DAB1: variants seen among roughly 807,000 people sequenced by gnomAD.
DAB1 encodes the protein DAB adaptor protein 1.
A neutral mutation model predicts 64.6 loss-of-function variants in DAB1; 15 were observed. That is an observed-to-expected ratio of 0.23 (90% CI 0.16 to 0.36). The LOEUF is 0.36. DAB1 is among the 10% of genes least tolerant of loss of function. DAB1 has a pLI of 1.00. For missense variants in DAB1, 596 were observed against 706.7 expected (o/e 0.84, Z 1.78); for synonymous variants, 235 against 251.9 (o/e 0.93, Z 0.64).
chr1:57,014,935 G>A lies in DAB1; in HGVS notation c.1392C>T (p.Ile464=), dbSNP rs747691718. The A allele has an allele frequency of 9.9e-6, 16 of 1,608,306 alleles. No individual in the cohort carries two copies. The highest frequency in any genetic ancestry group is 1.3e-5 in the Non-Finnish European group (15 of 1,177,016). ...QDTDDCDDFD[I]SQLNLTPVTS... ...TCACAGGGGTCAAATTCAACTGGGA[G>A]ATGTCAAAGTCATCACAGTCGTCTG... Residue 464 remains isoleucine, a synonymous_variant, in exon 12 of 15, where the codon ATC becomes ATT. Transcript: ENST00000371236.
At chr1:57,692,906 G>A (rs1211333413) in intron 6 of DAB1, among the ~76,000 whole-genome samples, 1 of 151,998 alleles carries the variant, frequency 6.6e-6, no homozygotes, top group East Asian at 1.9e-4. Context: ...ATCAGACAAT[G>A]CCTTTCAAAC....
At chr1:57,807,457 G>C (rs990420303) in intron 6 of DAB1, among the ~76,000 whole-genome samples, 1 of 152,182 alleles carries the variant, frequency 6.6e-6, no homozygotes, top group Non-Finnish European at 1.5e-5. Flanking sequence ...AATTAAAGTA[G>C]TGTGAGCAAT....
At chr1:58,105,923 C>T (rs1223334483) in intron 5 of DAB1, among the ~76,000 whole-genome samples, 1 of 152,178 alleles carries the variant, frequency 6.6e-6, no homozygotes, top group African/African-American at 2.4e-5. Context: ...AACAAAACTT[C>T]ATTTAGCATT....
At chr1:58,144,437 A>G (rs1442277447) in intron 5 of DAB1, among the ~76,000 whole-genome samples, 1 of 152,236 alleles carries the variant, frequency 6.6e-6, no homozygotes, top group Non-Finnish European at 1.5e-5. Context: ...TTTTACATCT[A>G]TCAAGTCCAT....
At chr1:57,543,081 A>T (rs942926141) in intron 7 of DAB1, among the ~76,000 whole-genome samples, 2 of 152,178 alleles carry the variant, frequency 1.3e-5, no homozygotes, top group African/African-American at 4.8e-5. Context: ...GCCCCAGCTA[A>T]CATGCAAACC....
At chr1:57,226,629 A>G (rs1667271131) in intron 2 of DAB1, among the ~76,000 whole-genome samples, 1 of 149,532 alleles carries the variant, frequency 6.7e-6, no homozygotes, top group South Asian at 2.1e-4. Context: ...GAGCCCTTCA[A>G]AAAGCAAGTC....
At chr1:58,243,464 G>T (rs530043534) in intron 4 of DAB1, among the ~76,000 whole-genome samples, 11 of 152,234 alleles carry the variant, frequency 7.2e-5, no homozygotes, top group African/African-American at 2.6e-4. Context: ...TAAATGAAAA[G>T]GTTGTCTGAT....
chr1:58,423,804 T>C (rs1385888057), intron 3 of DAB1, among the ~76,000 whole-genome samples: 2 of 152,242 alleles, frequency 1.3e-5, no homozygotes, highest in Non-Finnish European at 2.9e-5. Context: ...CTTTCAACTG[T>C]TGCTAACCCC....
intron 6 of DAB1, among the ~76,000 whole-genome samples, chr1:57,690,986 G>A (rs1484749633): frequency 6.6e-6 from 1 of 151,970 alleles, no homozygotes; most frequent in Non-Finnish European, 1.5e-5. Context: ...TTTTAAAATG[G>A]GATCATTGAA....
intron 1 of DAB1, chr1:58,546,514 C>G (rs1376108612): frequency 6.6e-6 from 1 of 150,962 alleles, no homozygotes; most frequent in Non-Finnish European, 1.5e-5. Context: ...CGCCCCTCCC[C>G]TCCACGCAGC....
chr1:57,304,415 A>G (rs976374717), intron 1 of DAB1, among the ~76,000 whole-genome samples: 3 of 150,964 alleles, frequency 2.0e-5, no homozygotes, highest in African/African-American at 7.3e-5. Flanking sequence ...GCAGGGACAC[A>G]GATCCAAACT....
Position 58,381,273 on chromosome 1 carries a change from G to A in DAB1, n.258-37870C>T, listed in dbSNP as rs528069492. 3.5e-3 allele frequency among the ~76,000 whole-genome samples: 525 copies of A among 151,984 alleles called. 11 individuals are homozygous for A. The South Asian group carries it at 0.054, about 16-fold the overall frequency. ...ACATTTACCTAAGTAAGAAATCTGC[G>A]CATGCTACACATGTATCCCCGAACT... On this transcript the variant is annotated intron_variant and non_coding_transcript_variant, in intron 3 of 20. Coordinates refer to the DAB1 transcript ENST00000485760.
intron 6 of DAB1, among the ~76,000 whole-genome samples, chr1:57,801,989 A>G (rs1651149971): frequency 1.3e-5 from 2 of 152,332 alleles, no homozygotes; most frequent in African/African-American, 4.8e-5. Flanking sequence ...CACCAGTCAC[A>G]GGTAGAGACT....
chr1:58,441,432 T>C (rs1645006887), intron 3 of DAB1, among the ~76,000 whole-genome samples: 1 of 152,228 alleles, frequency 6.6e-6, no homozygotes, highest in Non-Finnish European at 1.5e-5. Context: ...ATGACTATTG[T>C]TTTCTTATTC....
chr1:57,623,493 T>C (rs1645886562), intron 7 of DAB1, among the ~76,000 whole-genome samples: 1 of 152,174 alleles, frequency 6.6e-6, no homozygotes, highest in Admixed American at 6.5e-5. Flanking sequence ...CTTTCGAAGC[T>C]GCAGGAAAGT....
intron 5 of DAB1, chr1:58,060,213 G>C (rs1648404834): frequency 1.3e-5 from 2 of 152,118 alleles, no homozygotes; most frequent in Admixed American, 1.3e-4. Flanking sequence ...TAGGCAGTAG[G>C]GGCTCACCCA....
intron 7 of DAB1, among the ~76,000 whole-genome samples, chr1:57,441,200 T>G (rs1685928568): frequency 6.6e-6 from 1 of 152,240 alleles, no homozygotes. Context: ...AAGGACACAA[T>G]TTCATTCTTT....
intron 2 of DAB1, among the ~76,000 whole-genome samples, chr1:57,226,789 A>G (rs1048762036): frequency 6.6e-6 from 1 of 151,764 alleles, no homozygotes; most frequent in East Asian, 1.9e-4. Context: ...CAGTGGAACA[A>G]GGATGATTTA....
chr1:57,526,770 C>T (rs1169800645), intron 7 of DAB1, among the ~76,000 whole-genome samples: 2 of 152,158 alleles, frequency 1.3e-5, no homozygotes, highest in Non-Finnish European at 2.9e-5. Flanking sequence ...AATAATAACC[C>T]TGCAATTATG....
Sources: gnomAD v4.1 joint callset for allele counts (sites outside exome capture counted in the v4.1 genomes callset) on GRCh38, gnomAD v4.1.1 for gene constraint, MANE v1.5 for transcripts, NCBI Gene and HGNC (gene_info 2026-07-23, HGNC 2026-07-21) for gene names.